The following ZNF184 variants were observed in gnomAD, a reference collection of about 807,000 sequenced individuals.
The protein encoded by ZNF184 is zinc finger protein 184.
Under a neutral mutation model 54.4 loss-of-function variants are expected in ZNF184, and 16 were observed. That is an observed-to-expected ratio of 0.29 (90% CI 0.20 to 0.45). ZNF184 has a LOEUF of 0.45. ZNF184 is among the 20% of genes least tolerant of loss of function. ZNF184 has a pLI of 1.00. For missense variants in ZNF184, 681 were observed against 888.2 expected (o/e 0.77, Z 2.97); for synonymous variants, 254 against 295.3 (o/e 0.86, Z 1.43).
At chr6:27,445,792 C>G (rs1250445367), downstream of ZNF184, among the ~76,000 whole-genome samples, 1 of 149,450 alleles carries the variant, frequency 6.7e-6, no homozygotes, top group Non-Finnish European at 1.5e-5. Context: ...AAATGAGGAG[C>G]AAGGTATTGG....
chr6:27,410,970 T>C, the ZNF184 span, among the ~76,000 whole-genome samples: 1 of 152,128 alleles, frequency 6.6e-6, no homozygotes, highest in Non-Finnish European at 1.5e-5. Context: ...ACAGCGGTAT[T>C]GGGAAACAGA....
chr6:27,444,892 T>G, the ZNF184 span, among the ~76,000 whole-genome samples: 3 of 152,174 alleles, frequency 2.0e-5, no homozygotes, highest in Non-Finnish European at 4.4e-5. Context: ...AGTCTTGATA[T>G]CTCAGCTTGA....
At chr6:27,460,597 A>C (rs758539729) in intron 3 of ZNF184, among the ~76,000 whole-genome samples, 3 of 152,206 alleles carry the variant, frequency 2.0e-5, no homozygotes, top group African/African-American at 4.8e-5. Flanking sequence ...GGTCTTACTG[A>C]GCTGAGGAGA....
chr6:27,419,906 T>C, the ZNF184 span, among the ~76,000 whole-genome samples: 1 of 152,198 alleles, frequency 6.6e-6, no homozygotes, highest in Non-Finnish European at 1.5e-5. This position sits in a 1 kb window ranked among gnomAD's most constrained non-coding sequence, Gnocchi z 4.8. Context: ...CTGAGTCCGA[T>C]TGTGTCACTT....
At chr6:27,460,027 C>T (rs1223372432) in intron 3 of ZNF184, among the ~76,000 whole-genome samples, 4 of 152,022 alleles carry the variant, frequency 2.6e-5, no homozygotes, top group African/African-American at 4.8e-5. Context: ...ATAAGCTGGG[C>T]GTGGTGGCAC....
the ZNF184 span, among the ~76,000 whole-genome samples, chr6:27,422,176 G>GAA: frequency 3.4e-5 from 1 of 29,768 alleles, no homozygotes; most frequent in Non-Finnish European, 8.4e-5. Context: ...AAGAAAGAAA[G>GAA]AAAGAAAGAA....
At position 27,453,785 on chromosome 6, in the gene ZNF184, T is replaced by A. The variant is rs1762790790; in HGVS notation, c.299-525A>T. ...GAGAAATAATTTAGCAGGGAGAAAC[T>A]AACAAGTTCAAGTCTAGGCATTTTG... is the stretch of plus-strand genomic sequence containing the variant. On this transcript the variant is annotated intron_variant, in intron 5 of 5. Coordinates refer to ENST00000683788, the MANE Select transcript of ZNF184 (RefSeq NM_001318891.2). The surrounding 1 kb of genome is among the most constrained non-coding windows in gnomAD (Gnocchi z 4.7). 1.3e-5 allele frequency among the ~76,000 whole-genome samples: 2 copies of A among 152,152 alleles called. No individual in the cohort carries two copies. The highest frequency in any genetic ancestry group is 4.1e-4 in the South Asian group (2 of 4,830).
chr6:27,463,449 AT>A (rs1292622978), intron 3 of ZNF184, among the ~76,000 whole-genome samples: 2 of 152,018 alleles, frequency 1.3e-5, no homozygotes, highest in Non-Finnish European at 2.9e-5. Context: ...AAAGAAAAAA[AT>A]AATTTTAAAA....
At chr6:27,422,870 G>A in the ZNF184 span, among the ~76,000 whole-genome samples, 1 of 152,168 alleles carries the variant, frequency 6.6e-6, no homozygotes, top group Non-Finnish European at 1.5e-5. Context: ...ACAGCACCCG[G>A]TTATACACAG....
the ZNF184 span, among the ~76,000 whole-genome samples, chr6:27,414,703 A>G: frequency 1.3e-5 from 2 of 151,938 alleles, no homozygotes; most frequent in Non-Finnish European, 2.9e-5. Flanking sequence ...GGTGTTTTGT[A>G]TCCTATCTTG....
chr6:27,409,498 C>CAAAA, the ZNF184 span, among the ~76,000 whole-genome samples: 4 of 39,902 alleles, frequency 1.0e-4, no homozygotes, highest in Admixed American at 2.8e-4. Context: ...GACTCCGTCT[C>CAAAA]AAAAAAAAAA....
At chr6:27,449,108 C>T (rs1404111032), downstream of ZNF184, among the ~76,000 whole-genome samples, 1 of 152,122 alleles carries the variant, frequency 6.6e-6, no homozygotes, top group African/African-American at 2.4e-5. Context: ...TTTCTGCTTC[C>T]CTCACAGTCA....
At position 27,452,534 on chromosome 6, in the gene ZNF184, G is replaced by T; in HGVS notation, c.1025C>A (p.Ala342Asp). Residue 342 changes from alanine (A) to aspartate (D), a missense_variant, in exon 6 of 6, where the codon GCC (alanine) becomes GAC (aspartate). Coordinates refer to ENST00000683788, the MANE Select transcript of ZNF184 (RefSeq NM_001318891.2). The surrounding 1 kb of genome is among the most constrained non-coding windows in gnomAD (Gnocchi z 5.5). ...KPYTCNECGK[A>D]FSQRGHFMEH... The stretch of plus-strand genomic sequence containing the variant: ...CATAAAGTGGCCTCTCTGGCTAAAG[G>T]CTTTTCCACACTCATTACAAGTGTA... The T allele has an allele frequency of 1.2e-6, 2 of 1,613,964 alleles. No homozygotes were observed. Among genetic ancestry groups the T allele is most frequent in the Non-Finnish European group, 8.5e-7 (1 of 1,180,004 alleles).
the ZNF184 span, among the ~76,000 whole-genome samples, chr6:27,408,672 C>T: frequency 6.6e-6 from 1 of 152,218 alleles, no homozygotes; most frequent in African/African-American, 2.4e-5. Flanking sequence ...TTTTATACAA[C>T]TTACTGCCAT....
chr6:27,452,188 G>A lies in ZNF184; in HGVS notation c.1371C>T (p.Tyr457=), dbSNP rs776419212. The A allele has an allele frequency of 6.2e-7, 1 of 1,613,982 alleles. No individual in the cohort carries two copies. The highest frequency in any genetic ancestry group is 1.1e-5 in the South Asian group (1 of 91,068). Residue 457 remains tyrosine (Y), a synonymous_variant, in exon 6 of 6, where the codon TAC becomes TAT. Transcript: ENST00000683788. This position sits in a 1 kb window ranked among gnomAD's most constrained non-coding sequence, Gnocchi z 5.5. ...DCAECGKSFS[Y]WSSLAQHLKI... ...TCAGGTGTTGAGCAAGGGATGACCA[G>A]TAACTAAAAGATTTTCCACATTCTG...
chr6:27,405,224 T>C, the ZNF184 span: 1 of 152,220 alleles, frequency 6.6e-6, no homozygotes, highest in African/African-American at 2.4e-5. Flanking sequence ...AGGCAGATCC[T>C]ACAGAAGGTA....
At chr6:27,444,696 C>T in the ZNF184 span, among the ~76,000 whole-genome samples, 1 of 152,194 alleles carries the variant, frequency 6.6e-6, no homozygotes, top group Non-Finnish European at 1.5e-5. Flanking sequence ...TCAATTCTCT[C>T]TTCATCTTAT....
At chr6:27,445,390 A>C in the ZNF184 span, among the ~76,000 whole-genome samples, 2 of 152,066 alleles carry the variant, frequency 1.3e-5, no homozygotes, top group East Asian at 3.9e-4. Flanking sequence ...CTCCTCCAAA[A>C]CTCATGTTAA....
At chr6:27,435,191 C>T in the ZNF184 span, among the ~76,000 whole-genome samples, 1 of 151,950 alleles carries the variant, frequency 6.6e-6, no homozygotes, top group Non-Finnish European at 1.5e-5. Context: ...AGAAAAAAAA[C>T]ACTATTAGGA....
Sources: gnomAD v4.1 joint callset for allele counts (sites outside exome capture counted in the v4.1 genomes callset) on GRCh38, gnomAD v4.1.1 for gene constraint, Gnocchi (gnomAD v3.1) non-coding constraint, MANE v1.5 for transcripts, NCBI Gene and HGNC (gene_info 2026-07-23, HGNC 2026-07-21) for gene names.